CCDC13: variants seen among roughly 807,000 people sequenced by gnomAD.
CCDC13 encodes coiled-coil domain containing 13.
Under a neutral mutation model 87.3 loss-of-function variants are expected in CCDC13, and 70 were observed. That is an observed-to-expected ratio of 0.80 (90% CI 0.66 to 0.98). The LOEUF is 0.98. Ranked by LOEUF, CCDC13 falls within the 50% of genes least tolerant of loss-of-function variation. CCDC13 has a pLI of 0.00. For missense variants in CCDC13, 842 were observed against 892.0 expected, an observed-to-expected ratio of 0.94 and a Z score of 0.71; for synonymous variants, 317 against 360.3, an observed-to-expected ratio of 0.88 and a Z score of 1.36.
Position 42,735,896 on chromosome 3 carries a change from T to C in CCDC13, c.1182A>G (p.Leu394=), listed in dbSNP as rs1038936000. ...GACTCAGGCTGCCTAGGATCTCCTG[T>C]AGCTGCTTCAGCTGGTCCTGGGGGG... ...IDALMDQLKQ[L]QEILGSLSLQ... Residue 394 remains leucine, a synonymous_variant, in exon 10 of 16, where the codon CTA becomes CTG. Transcript: ENST00000310232. The C allele has an allele frequency of 1.9e-6, 3 of 1,613,746 alleles. No homozygotes were observed. The highest frequency in any genetic ancestry group is 2.7e-5 in the African/African-American group (2 of 74,936).
rs766027403 is a variant in CCDC13 at position 42,758,351 on chromosome 3, C to A, written c.-6G>T. 1.2e-6 allele frequency: 2 copies of A among 1,611,794 alleles called. No individual in the cohort carries two copies. The highest frequency in any genetic ancestry group is 3.3e-5 in the Admixed American group (2 of 59,982). On this transcript the variant is annotated splice_region_variant and 5_prime_UTR_variant, in exon 2 of 16. Transcript: ENST00000310232. Reference sequence around the variant, plus strand: ...GAGCTTTCATCTGCTGCCATCCTGCCCTAGGCATCAGAAATGAAGCCTCAG... The same window carrying A: ...GAGCTTTCATCTGCTGCCATCCTGCACTAGGCATCAGAAATGAAGCCTCAG...
intron 13 of CCDC13, among the ~76,000 whole-genome samples, chr3:42,717,706 C>T (rs913107077): frequency 6.6e-5 from 10 of 152,156 alleles, no homozygotes; most frequent in African/African-American, 2.4e-4. Context: ...GTTAGAAGTC[C>T]AAGGTTGGCC....
At chr3:42,756,622 C>G (rs1485074225) in intron 3 of CCDC13, among the ~76,000 whole-genome samples, 1 of 151,828 alleles carries the variant, frequency 6.6e-6, no homozygotes, top group Non-Finnish European at 1.5e-5. Flanking sequence ...TCTCTGTTGC[C>G]CAGGGTTCAG....
intron 2 of CCDC13, 64 bp downstream of exon 2, chr3:42,758,061 G>GCACA: frequency 1.3e-6 from 1 of 766,604 alleles, no homozygotes; most frequent in Non-Finnish European, 1.9e-6. Flanking sequence ...AGCTCCGGTG[G>GCACA]TACACACACA....
At chr3:42,736,425 T>C (rs1030147678) in intron 9 of CCDC13, among the ~76,000 whole-genome samples, 1 of 152,136 alleles carries the variant, frequency 6.6e-6, no homozygotes, top group Non-Finnish European at 1.5e-5. Flanking sequence ...GGCTGTTGTC[T>C]TCACCTCAGA....
chr3:42,771,441 G>C (rs952708272), intron 1 of CCDC13, among the ~76,000 whole-genome samples: 3 of 152,170 alleles, frequency 2.0e-5, no homozygotes, highest in Non-Finnish European at 4.4e-5. Flanking sequence ...AGCAAAACTT[G>C]TAGACCTGTG....
Position 42,706,797 on chromosome 3 carries a change from T to A in CCDC13, c.*2183A>T, listed in dbSNP as rs1033914107. 4 of 152,232 alleles carry A rather than the reference T, an allele frequency of 2.6e-5. No homozygotes were observed. Among genetic ancestry groups the A allele is most frequent in the Non-Finnish European group, 4.4e-5 (3 of 68,046 alleles). The allele number at this position is 152,232 out of a possible 1,614,324, so 9.4% of individuals were successfully genotyped here. A position where few individuals can be genotyped will look rare whatever the true frequency, so the allele number is the denominator to read the frequency against. Reference sequence around the variant, plus strand: ...AATTAGTGAAACGTCTTTGGGTTATTCTTTGACATACATATTAATAACAGC... The same window carrying A: ...AATTAGTGAAACGTCTTTGGGTTATACTTTGACATACATATTAATAACAGC... On this transcript the variant is annotated 3_prime_UTR_variant, in exon 16 of 16. Transcript: ENST00000310232.
intron 5 of CCDC13, among the ~76,000 whole-genome samples, chr3:42,750,306 C>A (rs185168458): frequency 2.6e-4 from 39 of 152,320 alleles, no homozygotes; most frequent in African/African-American, 8.4e-4. Context: ...TCCGTCCCAC[C>A]TTCCAGCTGC....
At chr3:42,742,117 AC>A (rs1699240993) in intron 8 of CCDC13, among the ~76,000 whole-genome samples, 1 of 152,134 alleles carries the variant, frequency 6.6e-6, no homozygotes, top group South Asian at 2.1e-4. Context: ...GGGGAGGCTA[AC>A]TCATCCCCTC....
intron 10 of CCDC13, 65 bp from the exon 11 acceptor site, chr3:42,733,674 G>A: frequency 6.6e-7 from 1 of 1,523,896 alleles, no homozygotes; most frequent in East Asian, 2.3e-5. Flanking sequence ...AAGGCAGGAG[G>A]GGATCTTGGC....
chr3:42,754,294 A>G (rs1699657206), intron 3 of CCDC13, among the ~76,000 whole-genome samples: 1 of 152,002 alleles, frequency 6.6e-6, no homozygotes, highest in Non-Finnish European at 1.5e-5. Flanking sequence ...CTGCCCTTGG[A>G]ATCTCATGTC....
In CCDC13 at chr3:42,713,153, G is replaced by A; in HGVS notation, c.1873+9C>T. On this transcript the variant is annotated intron_variant, in intron 14 of 15. Transcript: ENST00000310232. Reference sequence around the variant, plus strand: ...CCCCCTGCACTGAGACTACTGCCCTGGCCCCTACCTGTTTTGGTCCTGGGA... The same window carrying A: ...CCCCCTGCACTGAGACTACTGCCCTAGCCCCTACCTGTTTTGGTCCTGGGA... 2 of 1,613,128 alleles carry A rather than the reference G, an allele frequency of 1.2e-6. No homozygotes were observed. Among genetic ancestry groups the A allele is most frequent in the Non-Finnish European group, 1.7e-6 (2 of 1,179,538 alleles).
At chr3:42,713,905 C>T (rs572358619) in intron 13 of CCDC13, 1 of 152,302 alleles carries the variant, frequency 6.6e-6, no homozygotes, top group African/African-American at 2.4e-5. Context: ...TTTCACAAGC[C>T]GAAATCAAGG....
chr3:42,712,412 G>A (rs339661), intron 14 of CCDC13, among the ~76,000 whole-genome samples: 123,313 of 152,182 alleles, frequency 0.81, 50,489 homozygotes, highest in East Asian at 1. Context: ...CAGCCCCACA[G>A]GATGCTGATG....
intron 13 of CCDC13, among the ~76,000 whole-genome samples, chr3:42,722,516 CA>C (rs918980641): frequency 2.6e-5 from 4 of 152,144 alleles, no homozygotes; most frequent in Admixed American, 6.5e-5. Flanking sequence ...GCTGATAAAA[CA>C]GGTTGCAGTA....
rs1373024640 is a variant in CCDC13, at chr3:42,706,155, G to C, written c.*2825C>G. On this transcript the variant is annotated 3_prime_UTR_variant, in exon 16 of 16. Coordinates refer to ENST00000310232, the MANE Select transcript of CCDC13 (RefSeq NM_144719.4). ...CTCCCAGGCCTGGAGAGGCTGGCAT[G>C]CTGTTGGCACTCACTGACTGCCTGG... is the stretch of plus-strand genomic sequence containing the variant. The C allele has an allele frequency of 6.6e-6, 1 of 152,412 alleles. No individual in the cohort carries two copies. Among genetic ancestry groups the C allele is most frequent in the Non-Finnish European group, 1.5e-5 (1 of 68,174 alleles). The allele number at this position is 152,412 out of a possible 1,614,324, so 9.4% of individuals were successfully genotyped here.
intron 12 of CCDC13, among the ~76,000 whole-genome samples, chr3:42,731,880 G>A (rs1256431510): frequency 1.3e-5 from 2 of 152,220 alleles, no homozygotes; most frequent in Non-Finnish European, 2.9e-5. Context: ...GTATTTGTGT[G>A]TTGTGGAAGA....
intron 1 of CCDC13, among the ~76,000 whole-genome samples, chr3:42,771,773 A>G (rs1300329690): frequency 6.6e-6 from 1 of 152,076 alleles, no homozygotes; most frequent in African/African-American, 2.4e-5. Flanking sequence ...AGCAGCAACA[A>G]CAACAACAGA....
chr3:42,768,072 C>G lies in CCDC13; in HGVS notation c.-7+5104G>C, dbSNP rs961037530. ...TGAATCAATGAAACCAAATAAAGAGCCCAGAAATAGATCCACATAAATAGA... is the reference window on the plus strand; with the variant it reads ...TGAATCAATGAAACCAAATAAAGAGGCCAGAAATAGATCCACATAAATAGA... On this transcript the variant is annotated intron_variant, in intron 1 of 15. Coordinates refer to ENST00000310232, the MANE Select transcript of CCDC13 (RefSeq NM_144719.4). 2.6e-5 allele frequency among the ~76,000 whole-genome samples: 4 copies of G among 151,752 alleles called. No homozygotes were observed. In the East Asian group the frequency reaches 7.7e-4, roughly 29 times the overall value.
Sources: allele counts gnomAD v4.1 joint callset (sites outside exome capture counted in the v4.1 genomes callset), GRCh38; gene constraint gnomAD v4.1.1; transcripts MANE v1.5; gene names NCBI Gene and HGNC (gene_info 2026-07-23, HGNC 2026-07-21).